The following ATP9A variants were observed in gnomAD, a reference collection of about 807,000 sequenced individuals.
ATP9A encodes the protein probable phospholipid-transporting ATPase IIA.
Under a neutral mutation model 144.1 loss-of-function variants are expected in ATP9A, and 52 were observed. That is an observed-to-expected ratio of 0.36 (90% CI 0.29 to 0.45). The LOEUF (loss-of-function observed/expected upper bound fraction) is 0.45. Ranked by LOEUF, ATP9A falls within the 20% of genes least tolerant of loss-of-function variation. ATP9A has a pLI of 1.00. For missense variants in ATP9A, 947 were observed against 1,392.7 expected, an observed-to-expected ratio of 0.68 and a Z score of 5.09; for synonymous variants, 582 against 557.4, an observed-to-expected ratio of 1.04 and a Z score of -0.62.
chr20:51,742,588 C>T (rs917259995), intron 1 of ATP9A, among the ~76,000 whole-genome samples: 1 of 152,026 alleles, frequency 6.6e-6, no homozygotes, highest in Non-Finnish European at 1.5e-5. Flanking sequence ...GATCTCAGCT[C>T]ACTGCAACCT....
chr20:51,721,693 C>G (rs1425147087), intron 3 of ATP9A, among the ~76,000 whole-genome samples: 1 of 149,724 alleles, frequency 6.7e-6, no homozygotes, highest in African/African-American at 2.5e-5. Context: ...CCCAGCTACT[C>G]GGGAGGCTGA....
intron 4 of ATP9A, among the ~76,000 whole-genome samples, chr20:51,699,055 T>C (rs976988586): frequency 6.6e-6 from 1 of 152,102 alleles, no homozygotes; most frequent in Non-Finnish European, 1.5e-5. Context: ...AAAGTAATTA[T>C]AGGCCGGGCA....
In ATP9A at chr20:51,656,977, T is replaced by C; in HGVS notation, c.1467A>G (p.Glu489=). ...TDQAEAEKQY[E]DSCRVYQASS... Reference sequence around the variant, plus strand: ...ATGCCTGGTATACGCGGCAGGAGTCTTCGTACTGCTTCTCGGCCTCAGCCT... The same window carrying C: ...ATGCCTGGTATACGCGGCAGGAGTCCTCGTACTGCTTCTCGGCCTCAGCCT... Residue 489 remains glutamate, a synonymous_variant, in exon 14 of 28, where the codon GAA becomes GAG. Transcript: ENST00000338821. 6.2e-7 allele frequency: 1 copy of C among 1,614,162 alleles called. No homozygotes were observed. Among genetic ancestry groups the C allele is most frequent in the South Asian group, 1.1e-5 (1 of 91,078 alleles).
intron 9 of ATP9A, among the ~76,000 whole-genome samples, chr20:51,686,695 G>A (rs1308042940): frequency 6.6e-6 from 1 of 152,186 alleles, no homozygotes; most frequent in African/African-American, 2.4e-5. Flanking sequence ...AGCACTTTGG[G>A]AGGCCGAGGC....
intron 2 of ATP9A, among the ~76,000 whole-genome samples, chr20:51,728,456 G>A (rs905352103): frequency 3.3e-5 from 5 of 152,000 alleles, no homozygotes; most frequent in South Asian, 2.1e-4. Context: ...GTGAAACTCC[G>A]TCTCTACTAA....
chr20:51,621,094 C>A (rs920803946), intron 19 of ATP9A, among the ~76,000 whole-genome samples: 1 of 148,934 alleles, frequency 6.7e-6, no homozygotes, highest in Non-Finnish European at 1.5e-5. Context: ...TTGCAGTGAG[C>A]CAAGATTGCA....
chr20:51,640,613 T>TC (rs2077314790), intron 14 of ATP9A, among the ~76,000 whole-genome samples: 1 of 152,174 alleles, frequency 6.6e-6, no homozygotes, highest in African/African-American at 2.4e-5. Context: ...CACACACTCT[T>TC]CCCTTCCAAG....
At chr20:51,679,017 C>G (rs566081694) in intron 9 of ATP9A, among the ~76,000 whole-genome samples, 2 of 152,022 alleles carry the variant, frequency 1.3e-5, no homozygotes, top group Non-Finnish European at 2.9e-5. Context: ...AATTCAGGAG[C>G]TTGCCTATCT....
chr20:51,614,897 C>T (rs2077197158), intron 22 of ATP9A, among the ~76,000 whole-genome samples: 1 of 152,080 alleles, frequency 6.6e-6, no homozygotes, highest in South Asian at 2.1e-4. Flanking sequence ...AACATGAGGA[C>T]ATGCTAATAA....
At chr20:51,639,232 G>C (rs1309912073) in intron 15 of ATP9A, 111 bp downstream of exon 15, 2 of 1,190,454 alleles carry the variant, frequency 1.7e-6, no homozygotes, top group Admixed American at 2.4e-5. Flanking sequence ...TTGTTAGTCT[G>C]GGTGACAGAT....
At chr20:51,622,530 G>A (rs1404562373) in intron 18 of ATP9A, among the ~76,000 whole-genome samples, 5 of 152,192 alleles carry the variant, frequency 3.3e-5, no homozygotes, top group Non-Finnish European at 7.3e-5. Context: ...CAGGTGAGGG[G>A]GCACTTCCCT....
chr20:51,762,511 T>G (rs1175223829), intron 1 of ATP9A, among the ~76,000 whole-genome samples: 1 of 146,812 alleles, frequency 6.8e-6, no homozygotes, highest in African/African-American at 2.6e-5. Context: ...AAAAAAAAAT[T>G]AGCTGGGCGT....
In ATP9A at chr20:51,632,531, G is replaced by T. The variant is rs182363248; in HGVS notation, c.1669-3459C>A. Among the ~76,000 whole-genome samples, 3 of 152,254 alleles carry T rather than the reference G, an allele frequency of 2.0e-5. No individual in the cohort carries two copies. The East Asian group carries it at 5.8e-4, about 29-fold the overall frequency. ...TCCTGTGCATTGCAGGATGCTGAGC[G>T]GCATCCCTGCTCTCCACCTATGACA... On this transcript the variant is annotated intron_variant, in intron 15 of 27. Transcript: ENST00000338821.
chr20:51,747,744 T>A (rs1173651877), intron 1 of ATP9A, among the ~76,000 whole-genome samples: 1 of 152,062 alleles, frequency 6.6e-6, no homozygotes, highest in Admixed American at 6.6e-5. Flanking sequence ...CAGACCTGAC[T>A]CCTCTTATAG....
chr20:51,662,011 G>C (rs2077412895), intron 13 of ATP9A, among the ~76,000 whole-genome samples: 1 of 152,148 alleles, frequency 6.6e-6, no homozygotes, highest in South Asian at 2.1e-4. Flanking sequence ...GAGGGGACAG[G>C]GGTACTATAG....
At chr20:51,688,679 A>T (rs1601105641) in intron 9 of ATP9A, among the ~76,000 whole-genome samples, 2 of 152,176 alleles carry the variant, frequency 1.3e-5, no homozygotes, top group East Asian at 3.8e-4. Context: ...CAGAAGCTCC[A>T]GCTCAAGCCC....
intron 15 of ATP9A, among the ~76,000 whole-genome samples, chr20:51,638,071 T>TTATATA (rs56043552): frequency 0.012 from 391 of 33,814 alleles, 11 homozygotes; most frequent in Non-Finnish European, 0.016. Context: ...TTTCATCATT[T>TTATATA]TATATATATA....
At chr20:51,615,339 A>C (rs890724949) in intron 22 of ATP9A, among the ~76,000 whole-genome samples, 1 of 152,200 alleles carries the variant, frequency 6.6e-6, no homozygotes, top group Admixed American at 6.5e-5. Context: ...CATTTTTCAA[A>C]ATAAAAAGGT....
intron 9 of ATP9A, among the ~76,000 whole-genome samples, chr20:51,684,683 G>A (rs1411163349): frequency 2.4e-5 from 3 of 125,350 alleles, no homozygotes; most frequent in Non-Finnish European, 4.9e-5. Context: ...GTGAAACAGT[G>A]AGACTCTGTC....
Sources: gnomAD v4.1 joint callset for allele counts (sites outside exome capture counted in the v4.1 genomes callset) on GRCh38, gnomAD v4.1.1 for gene constraint, MANE v1.5 for transcripts, NCBI Gene and HGNC (gene_info 2026-07-23, HGNC 2026-07-21) for gene names.